Variants in UBAC2 observed in about 807,000 individuals in gnomAD.
UBAC2 encodes ubiquitin-associated domain-containing protein 2.
In UBAC2, 26 loss-of-function variants were observed where a neutral mutation model predicts 44.0. That is an observed-to-expected ratio of 0.59 (90% CI 0.43 to 0.82). UBAC2 has a LOEUF of 0.82. Ranked by LOEUF, UBAC2 falls within the 40% of genes least tolerant of loss-of-function variation. The pLI is 0.00. For missense variants in UBAC2, 329 were observed against 419.4 expected, an observed-to-expected ratio of 0.78 and a Z score of 1.88; for synonymous variants, 155 against 154.3, an observed-to-expected ratio of 1.00 and a Z score of -0.04.
intron 4 of UBAC2, among the ~76,000 whole-genome samples, chr13:99,299,864 A>G (rs1399195487): frequency 6.6e-6 from 1 of 152,190 alleles, no homozygotes; most frequent in African/African-American, 2.4e-5. Context: ...TATATTTTGC[A>G]CAGGAAAAAA....
chr13:99,226,599 C>T (rs1254272286), intron 1 of UBAC2, among the ~76,000 whole-genome samples: 5 of 152,196 alleles, frequency 3.3e-5, no homozygotes, highest in Admixed American at 3.3e-4. Flanking sequence ...CCCAAAGCAC[C>T]CTGTCACATC....
intron 8 of UBAC2, among the ~76,000 whole-genome samples, chr13:99,383,406 T>G (rs1157803534): frequency 1.3e-5 from 2 of 151,094 alleles, no homozygotes; most frequent in Admixed American, 6.6e-5. Flanking sequence ...TTGTTTTTTG[T>G]TTTTTTTATC....
chr13:99,232,324 G>A (rs544619486), intron 1 of UBAC2, among the ~76,000 whole-genome samples: 1 of 149,382 alleles, frequency 6.7e-6, no homozygotes, highest in East Asian at 2.0e-4. Context: ...ACAAATCTCT[G>A]TGTTATAACC....
intron 8 of UBAC2, among the ~76,000 whole-genome samples, chr13:99,382,625 C>G (rs1286898157): frequency 6.6e-6 from 1 of 152,130 alleles, no homozygotes; most frequent in Non-Finnish European, 1.5e-5. Flanking sequence ...GGAACTGGAT[C>G]CTGAAACACA....
At chr13:99,253,667 T>C (rs906825049) in intron 4 of UBAC2, among the ~76,000 whole-genome samples, 5 of 152,006 alleles carry the variant, frequency 3.3e-5, no homozygotes, top group African/African-American at 1.2e-4. Context: ...GAACCTGCCA[T>C]CATGCCTGGC....
At chr13:99,291,594 C>G (rs2044089881) in intron 4 of UBAC2, among the ~76,000 whole-genome samples, 1 of 152,136 alleles carries the variant, frequency 6.6e-6, no homozygotes, top group Admixed American at 6.5e-5. Flanking sequence ...CACTGTCTGC[C>G]CTTGCCTCTT....
At chr13:99,272,606 C>T (rs1440416220) in intron 4 of UBAC2, among the ~76,000 whole-genome samples, 1 of 152,144 alleles carries the variant, frequency 6.6e-6, no homozygotes, top group Non-Finnish European at 1.5e-5. Flanking sequence ...GAGGGCCTGC[C>T]GTCTTCCTGA....
Position 99,299,316 on chromosome 13 carries a change from A to G in UBAC2, c.390-14781A>G, listed in dbSNP as rs367617257. On this transcript the variant is annotated intron_variant, in intron 4 of 8. Transcript: ENST00000403766. ...TAGCCATACAGTAGAATACAGGAATACAGCCATGCAGTGAATACAGTGCAG... is the reference window on the plus strand; with the variant it reads ...TAGCCATACAGTAGAATACAGGAATGCAGCCATGCAGTGAATACAGTGCAG... Among the ~76,000 whole-genome samples the G allele has an allele frequency of 1.4e-3, 212 of 152,350 alleles. 2 individuals are homozygous for G. Among genetic ancestry groups the G allele is most frequent in the African/African-American group, 5.0e-3 (207 of 41,582 alleles).
chr13:99,355,475 T>C (rs2045164423), intron 7 of UBAC2, among the ~76,000 whole-genome samples: 1 of 152,224 alleles, frequency 6.6e-6, no homozygotes, highest in Non-Finnish European at 1.5e-5. Context: ...TGGCATGCTC[T>C]TCCTGCGCTG....
At chr13:99,232,397 G>GATATATATATATATATAT (rs768838568) in intron 1 of UBAC2, among the ~76,000 whole-genome samples, 1,104 of 82,054 alleles carry the variant, frequency 0.013, 39 homozygotes, top group East Asian at 0.027. Context: ...CCTTAGTTGA[G>GATATATATATATATATAT]AGATATAGAT....
intron 7 of UBAC2, chr13:99,351,800 TG>T (rs2045094467): frequency 2.2e-6 from 1 of 456,626 alleles, no homozygotes; most frequent in Non-Finnish European, 4.4e-6. Context: ...CAGGAGTCCT[TG>T]GTGCTCTTCT....
intron 4 of UBAC2, chr13:99,254,657 T>C (rs2043508639): frequency 2.2e-6 from 1 of 448,704 alleles, no homozygotes. Context: ...ATGCAAAAAG[T>C]TAATTATCTG....
At chr13:99,247,520 G>GT (rs547961871) in intron 4 of UBAC2, among the ~76,000 whole-genome samples, 8 of 151,140 alleles carry the variant, frequency 5.3e-5, no homozygotes, top group East Asian at 3.9e-4. Context: ...GGCCTGTGTT[G>GT]TTTTTTTTTA....
intron 4 of UBAC2, among the ~76,000 whole-genome samples, chr13:99,264,642 G>A (rs527417038): frequency 1.8e-4 from 28 of 152,276 alleles, no homozygotes; most frequent in Non-Finnish European, 1.5e-4. Context: ...TCTCCCCAGG[G>A]GCAGTTGGGT....
At chr13:99,219,977 CACT>C (rs2043036722) in intron 1 of UBAC2, among the ~76,000 whole-genome samples, 1 of 151,754 alleles carries the variant, frequency 6.6e-6, no homozygotes, top group African/African-American at 2.4e-5. Context: ...GGTTTGTATC[CACT>C]TTTTGTGTTA....
At chr13:99,369,393 C>T (rs746759064) in intron 8 of UBAC2, among the ~76,000 whole-genome samples, 1 of 152,168 alleles carries the variant, frequency 6.6e-6, no homozygotes, top group East Asian at 1.9e-4. Flanking sequence ...GACTCTTTTG[C>T]GATGCTGGGC....
At chr13:99,335,368 A>G (rs778739012) in intron 6 of UBAC2, among the ~76,000 whole-genome samples, 2 of 147,644 alleles carry the variant, frequency 1.4e-5, no homozygotes, top group African/African-American at 2.5e-5. Flanking sequence ...CTTGCCTCCA[A>G]TTCATTACTG....
At chr13:99,343,351 G>T (rs548626158) in intron 7 of UBAC2, among the ~76,000 whole-genome samples, 2 of 146,894 alleles carry the variant, frequency 1.4e-5, no homozygotes, top group African/African-American at 4.9e-5. Context: ...TTCCTGCCTT[G>T]CTGTAAACTC....
chr13:99,302,664 C>A (rs2044273649), intron 4 of UBAC2, among the ~76,000 whole-genome samples: 1 of 152,162 alleles, frequency 6.6e-6, no homozygotes, highest in African/African-American at 2.4e-5. Context: ...GTGTTGTTTG[C>A]CTGTAAAATG....
Sources: allele counts gnomAD v4.1 joint callset (sites outside exome capture counted in the v4.1 genomes callset), GRCh38; gene constraint gnomAD v4.1.1; transcripts MANE v1.5; gene names NCBI Gene and HGNC (gene_info 2026-07-23, HGNC 2026-07-21).